BDP1: variants seen among roughly 807,000 people sequenced by gnomAD.
BDP1 encodes transcription factor TFIIIB component B'' homolog.
BDP1 carries 169 observed loss-of-function variants against 266.6 expected under a neutral mutation model. The ratio of observed to expected loss-of-function variants is 0.63; its 90% confidence interval spans 0.56 to 0.72. The LOEUF (loss-of-function observed/expected upper bound fraction) is 0.72, where lower values mean the gene tolerates loss of function less well. Ranked by LOEUF, BDP1 falls within the 30% of genes least tolerant of loss-of-function variation. BDP1 has a pLI of 0.00. For missense variants in BDP1, 3,015 were observed against 3,053.8 expected, an observed-to-expected ratio of 0.99 and a Z score of 0.30; for synonymous variants, 1,090 against 1,022.4, an observed-to-expected ratio of 1.07 and a Z score of -1.26.
chr5:71,503,170 A>T (rs1764365364), intron 15 of BDP1, among the ~76,000 whole-genome samples: 1 of 152,046 alleles, frequency 6.6e-6, no homozygotes, highest in Admixed American at 6.5e-5. Context: ...TATTTTTAGT[A>T]GAGACAGTGT....
chr5:71,542,214 G>A lies in BDP1; in HGVS notation c.6361G>A (p.Glu2121Lys), dbSNP rs1767007770. 1 of 1,613,392 alleles carries A rather than the reference G, an allele frequency of 6.2e-7. No individual in the cohort carries two copies. The highest frequency in any genetic ancestry group is 1.3e-5 in the African/African-American group (1 of 75,022). The change falls in exon 30 of 39, where the codon GAA becomes AAA. Residue 2121 changes from glutamate to lysine, a missense_variant. Glu to Lys is a moderately conservative substitution (Grantham distance 56, BLOSUM62 1). This residue lies in a region of BDP1 where 629 missense variants were observed against 632.5 expected (regional missense o/e 0.99). Coordinates refer to ENST00000358731, the MANE Select transcript of BDP1 (RefSeq NM_018429.3). ...GACCAACAGGCTTGATGATTATCAG[G>A]AAGTTTCCAGTTTGTGTGTAACCAA... is the stretch of plus-strand genomic sequence containing the variant. Reference protein sequence around the residue: ...LGTNRLDDYQEVSSLCVTKGA... With the variant: ...LGTNRLDDYQKVSSLCVTKGA...
In BDP1 at chr5:71,489,587, G is replaced by A. The variant is rs1468093980; in HGVS notation, c.1397G>A (p.Arg466Lys). 5.0e-6 allele frequency: 8 copies of A among 1,613,904 alleles called. No individual in the cohort carries two copies. In the African/African-American group the frequency reaches 9.3e-5, roughly 19 times the overall value. The change falls in exon 10 of 39, where the codon AGG becomes AAG. Residue 466 changes from arginine (R) to lysine (K), a missense_variant. Transcript: ENST00000358731. ...GACCTAAATCAAAAGAAAAGAAGGA[G>A]GAAGAAGCAAGATGGAGCTAATGAA... ...EVDLNQKKRR[R>K]KKQDGANELG...
chr5:71,572,596 A>G (rs887346884), downstream of BDP1, among the ~76,000 whole-genome samples: 62 of 152,194 alleles, frequency 4.1e-4, no homozygotes, highest in African/African-American at 1.4e-3. Flanking sequence ...GAATTTGTCT[A>G]TTGAAGGAAA....
At chr5:71,479,967 CAG>C (rs1247188084) in intron 7 of BDP1, among the ~76,000 whole-genome samples, 2 of 151,790 alleles carry the variant, frequency 1.3e-5, no homozygotes, top group African/African-American at 4.8e-5. Flanking sequence ...TTGTTTGAGA[CAG>C]AGTCTCGCTA....
At chr5:71,508,384 G>A (rs1325063348) in intron 16 of BDP1, among the ~76,000 whole-genome samples, 1 of 152,040 alleles carries the variant, frequency 6.6e-6, no homozygotes, top group East Asian at 1.9e-4. Context: ...GCTTACTGCA[G>A]CCTCATCCTT....
intron 7 of BDP1, among the ~76,000 whole-genome samples, chr5:71,481,134 A>C (rs1385363395): frequency 1.3e-5 from 2 of 151,938 alleles, no homozygotes; most frequent in African/African-American, 2.4e-5. Context: ...AGATCGCGCC[A>C]CTGCGCTCCA....
chr5:71,458,334 T>C (rs181230751), intron 1 of BDP1, among the ~76,000 whole-genome samples: 25 of 152,248 alleles, frequency 1.6e-4, no homozygotes, highest in South Asian at 6.2e-4. Flanking sequence ...AATTATGTGC[T>C]GTAATGTGCC....
At chr5:71,552,737 G>T (rs1742938084) in intron 34 of BDP1, among the ~76,000 whole-genome samples, 1 of 152,260 alleles carries the variant, frequency 6.6e-6, no homozygotes, top group Non-Finnish European at 1.5e-5. Context: ...GGAGAACCAG[G>T]CAGGGAGGCT....
At chr5:71,574,462 A>T in the BDP1 span, among the ~76,000 whole-genome samples, 1 of 152,170 alleles carries the variant, frequency 6.6e-6, no homozygotes, top group Non-Finnish European at 1.5e-5. Flanking sequence ...TCCCGGAGGC[A>T]CATTGGTTCC....
chr5:71,470,278 G>T, intron 6 of BDP1, 117 bp from the exon 7 acceptor site: 1 of 723,558 alleles, frequency 1.4e-6, no homozygotes, highest in South Asian at 1.8e-5. Flanking sequence ...GTGTTTTTAG[G>T]TATTGCATGG....
At chr5:71,523,802 A>G (rs1230675811) in intron 24 of BDP1, 137 bp from the exon 25 acceptor site, 1 of 840,966 alleles carries the variant, frequency 1.2e-6, no homozygotes. Flanking sequence ...TTTTCACAGC[A>G]TAAGATTTTA....
At chr5:71,518,625 G>A (rs892377425) in intron 22 of BDP1, among the ~76,000 whole-genome samples, 1 of 151,798 alleles carries the variant, frequency 6.6e-6, no homozygotes, top group Non-Finnish European at 1.5e-5. Context: ...TAATATTTTT[G>A]TATCTTTTTG....
intron 34 of BDP1, among the ~76,000 whole-genome samples, chr5:71,552,679 G>A (rs468467): frequency 0.39 from 57,889 of 149,736 alleles, 9,046 homozygotes; most frequent in Non-Finnish European, 0.43. Flanking sequence ...AACCAGTCAG[G>A]TGTGGTGTCG....
At chr5:71,526,316 CT>C (rs35458822) in intron 25 of BDP1, among the ~76,000 whole-genome samples, 75 of 147,634 alleles carry the variant, frequency 5.1e-4, no homozygotes, top group Middle Eastern at 3.5e-3. Flanking sequence ...AAGGGACATA[CT>C]TTTTTTTTTT....
intron 37 of BDP1, 59 bp from the exon 38 acceptor site, chr5:71,562,215 A>G (rs1248151109): frequency 1.3e-5 from 16 of 1,276,704 alleles, no homozygotes; most frequent in Admixed American, 3.0e-5. Context: ...AAAAAAAAAA[A>G]AAAAAAAAGA....
At position 71,509,443 on chromosome 5, in the gene BDP1, GTGC is replaced by G; in HGVS notation, c.2373-21_2373-19del. 2.0e-6 allele frequency: 3 copies of G among 1,468,466 alleles called. No homozygotes were observed. The highest frequency in any genetic ancestry group is 1.4e-5 in the South Asian group (1 of 71,376). 91.0% of individuals were successfully genotyped at this position (1,468,466 alleles called of 1,614,324 possible). A position where few individuals can be genotyped will look rare whatever the true frequency, so the allele number is the denominator to read the frequency against. ...GCAGTCTGGTTTAAAACTTGATTGT[GTGC>G]CCCCTTTTTTTTTTATAGCGTTCAA... is the stretch of plus-strand genomic sequence containing the variant. On this transcript the variant is annotated intron_variant, in intron 16 of 38. Transcript: ENST00000358731.
intron 7 of BDP1, among the ~76,000 whole-genome samples, chr5:71,478,582 G>A (rs576093336): frequency 6.6e-6 from 1 of 151,618 alleles, no homozygotes; most frequent in Non-Finnish European, 1.5e-5. Context: ...TTTCAGTGTT[G>A]CTGATGAAAA....
intron 11 of BDP1, among the ~76,000 whole-genome samples, chr5:71,491,414 G>C (rs1438433701): frequency 6.6e-6 from 1 of 151,106 alleles, no homozygotes; most frequent in East Asian, 1.9e-4. Context: ...CGTTTGCATG[G>C]GTTTATCATT....
At chr5:71,564,625 C>A in intron 38 of BDP1, 129 bp from the exon 39 acceptor site, 2 of 766,650 alleles carry the variant, frequency 2.6e-6, no homozygotes, top group African/African-American at 1.8e-5. Context: ...ATATTTAAAG[C>A]TCAATATTTA....
Sources: gnomAD v4.1 joint callset for allele counts (sites outside exome capture counted in the v4.1 genomes callset) on GRCh38, gnomAD v4.1.1 for gene constraint, gnomAD v4.1.1 regional missense constraint, MANE v1.5 for transcripts, NCBI Gene and HGNC (gene_info 2026-07-23, HGNC 2026-07-21) for gene names.